OTUD7B: variants seen among roughly 807,000 people sequenced by gnomAD.
OTUD7B encodes OTU domain-containing protein 7B.
OTUD7B carries 34 observed loss-of-function variants against 82.2 expected under a neutral mutation model. The ratio of observed to expected loss-of-function variants is 0.41; its 90% CI spans 0.31 to 0.55. OTUD7B has a LOEUF of 0.55. Among genes scored for constraint, OTUD7B ranks in the 20% least tolerant of loss-of-function variants. OTUD7B has a pLI of 0.20. For missense variants in OTUD7B, 944 were observed against 1,062.1 expected, an observed-to-expected ratio of 0.89 and a Z score of 1.55; for synonymous variants, 398 against 402.7, an observed-to-expected ratio of 0.99 and a Z score of 0.14.
chr1:149,999,885 T>C (rs587651208), intron 1 of OTUD7B, among the ~76,000 whole-genome samples: 7 of 152,330 alleles, frequency 4.6e-5, no homozygotes, highest in African/African-American at 1.7e-4. Context: ...AAGGCACTAG[T>C]AGACTAACTC....
At chr1:150,022,258 C>G in the OTUD7B span, among the ~76,000 whole-genome samples, 1 of 151,798 alleles carries the variant, frequency 6.6e-6, no homozygotes, top group East Asian at 1.9e-4. Context: ...ATTAGCCAGG[C>G]GTGTTGGCGC....
intron 4 of OTUD7B, 99 bp from the exon 5 acceptor site, chr1:149,965,977 C>CTG: frequency 3.6e-6 from 3 of 835,834 alleles, no homozygotes; most frequent in Non-Finnish European, 5.9e-6. Context: ...CTCTAGGAGG[C>CTG]CTACCCAGAA....
At chr1:150,013,749 T>C (rs1653169889), upstream of OTUD7B, among the ~76,000 whole-genome samples, 1 of 150,690 alleles carries the variant, frequency 6.6e-6, no homozygotes, top group Non-Finnish European at 1.5e-5. Flanking sequence ...GGTGAAACCC[T>C]GTCTCTACTA....
intron 1 of OTUD7B, among the ~76,000 whole-genome samples, chr1:149,983,851 C>A (rs1478277599): frequency 6.6e-6 from 1 of 152,166 alleles, no homozygotes; most frequent in African/African-American, 2.4e-5. Flanking sequence ...TTAGAAAATT[C>A]TTGCAAAATA....
rs868925207 is a variant in OTUD7B, at chr1:149,949,943, T to C, written c.973+151A>G. On this transcript the variant is annotated intron_variant, in intron 8 of 11. Coordinates refer to ENST00000581312, the MANE Select transcript of OTUD7B (RefSeq NM_020205.4). Reference sequence around the variant, plus strand: ...CTAATCCCAACTGCTTTACTCAGAATCTCTTGAGAATTTTGCACTATTCTA... The same window carrying C: ...CTAATCCCAACTGCTTTACTCAGAACCTCTTGAGAATTTTGCACTATTCTA... 6.5e-5 allele frequency: 83 copies of C among 1,267,264 alleles called. 1 individual carries two copies. Among genetic ancestry groups the C allele is most frequent in the Non-Finnish European group, 7.7e-5 (71 of 923,560 alleles). 78.5% of individuals were successfully genotyped at this position (1,267,264 alleles called of 1,614,324 possible). A position where few individuals can be genotyped will look rare whatever the true frequency, so the allele number is the denominator to read the frequency against.
intron 1 of OTUD7B, among the ~76,000 whole-genome samples, chr1:149,996,013 TCCCTA>T (rs1439065034): frequency 6.6e-6 from 1 of 151,928 alleles, no homozygotes; most frequent in Non-Finnish European, 1.5e-5. Flanking sequence ...GACTCAAGAG[TCCCTA>T]CCTGCATACT....
At position 149,954,504 on chromosome 1, in the gene OTUD7B, TTC is replaced by T. The variant is rs1426633857; in HGVS notation, c.846-4285_846-4284del. ...GTTCATCAGGGATAGTGGTCTAAAATTCTCTTTTTTTGTTGTGTCTCTGCCAG... is the reference window on the plus strand; with the variant it reads ...GTTCATCAGGGATAGTGGTCTAAAATTCTTTTTTTGTTGTGTCTCTGCCAG... On this transcript the variant is annotated intron_variant, in intron 7 of 11. Transcript: ENST00000581312. 2.0e-5 allele frequency among the ~76,000 whole-genome samples: 3 copies of T among 152,178 alleles called. No individual in the cohort carries two copies. In the East Asian group the frequency reaches 5.8e-4, roughly 29 times the overall value.
chr1:150,054,606 A>G, the OTUD7B span: 1 of 376,880 alleles, frequency 2.7e-6, no homozygotes, highest in Non-Finnish European at 5.1e-6. Flanking sequence ...TCAGGAGTTC[A>G]AGACCAGCAC....
chr1:149,943,758 A>T lies in OTUD7B; in HGVS notation c.*99T>A. The stretch of plus-strand genomic sequence containing the variant: ...TTCCAGCCAGGCTCCCACAAACATT[A>T]CTGCATTTTCCCCCTCAACATGGGG... On this transcript the variant is annotated 3_prime_UTR_variant, in exon 12 of 12. Transcript: ENST00000581312. 2 of 1,242,266 alleles carry T rather than the reference A, an allele frequency of 1.6e-6. No homozygotes were observed. The highest frequency in any genetic ancestry group is 1.5e-5 in the African/African-American group (1 of 67,024). 77.0% of individuals were successfully genotyped at this position (1,242,266 alleles called of 1,614,324 possible). A position where few individuals can be genotyped will look rare whatever the true frequency, so the allele number is the denominator to read the frequency against.
chr1:150,040,589 A>G, the OTUD7B span, among the ~76,000 whole-genome samples: 1 of 152,190 alleles, frequency 6.6e-6, no homozygotes, highest in African/African-American at 2.4e-5. Context: ...ACAGAAATAT[A>G]TTGCAAATGT....
chr1:149,975,524 A>G (rs782480906), intron 2 of OTUD7B, among the ~76,000 whole-genome samples: 6 of 152,230 alleles, frequency 3.9e-5, no homozygotes, highest in Admixed American at 3.3e-4. Context: ...TTGAACACTC[A>G]TAAGTGTTCA....
the OTUD7B span, among the ~76,000 whole-genome samples, chr1:150,023,569 G>A: frequency 2.0e-5 from 3 of 152,276 alleles, no homozygotes; most frequent in Middle Eastern, 3.4e-3. Flanking sequence ...CTTATATGTG[G>A]AATCTAAAAA....
At position 149,967,457 on chromosome 1, in the gene OTUD7B, A is replaced by G. The variant is rs1553776861; in HGVS notation, c.339T>C (p.His113=). Residue 113 remains histidine (H), a synonymous_variant, in exon 4 of 12, where the codon CAT becomes CAC. Coordinates refer to ENST00000581312, the MANE Select transcript of OTUD7B (RefSeq NM_020205.4). ...SSSIVSLARS[H]VSSNGGGGGS... ...CCCCACCCCCACCATTGGAGGAGAC[A>G]TGGGACCGGGCCAGGGAAACAATGC... 1 of 1,614,046 alleles carries G rather than the reference A, an allele frequency of 6.2e-7. No homozygotes were observed. The highest frequency in any genetic ancestry group is 1.1e-5 in the South Asian group (1 of 91,072).
chr1:149,970,775 A>G (rs1171345825), intron 3 of OTUD7B, among the ~76,000 whole-genome samples: 4 of 152,226 alleles, frequency 2.6e-5, no homozygotes, highest in Non-Finnish European at 4.4e-5. Context: ...GACTCTTTCA[A>G]TTCTACCTTT....
At chr1:150,064,934 A>T in the OTUD7B span, among the ~76,000 whole-genome samples, 1 of 152,164 alleles carries the variant, frequency 6.6e-6, no homozygotes, top group Non-Finnish European at 1.5e-5. Context: ...TGGTGGGGGA[A>T]AATCATGATT....
the OTUD7B span, among the ~76,000 whole-genome samples, chr1:150,052,179 G>A: frequency 1.3e-5 from 2 of 152,074 alleles, no homozygotes; most frequent in African/African-American, 2.4e-5. Flanking sequence ...AGAGCAATAA[G>A]GCAAGAGAAA....
chr1:150,038,144 C>T, the OTUD7B span, among the ~76,000 whole-genome samples: 3 of 152,052 alleles, frequency 2.0e-5, no homozygotes, highest in African/African-American at 7.3e-5. Flanking sequence ...CAGGCGTGAA[C>T]CACTGGGCCC....
the OTUD7B span, among the ~76,000 whole-genome samples, chr1:150,030,159 C>A: frequency 2.6e-5 from 4 of 152,282 alleles, no homozygotes; most frequent in South Asian, 8.3e-4. Context: ...CCTTCAGTCA[C>A]GATTCTAAAC....
At chr1:150,047,175 G>A in the OTUD7B span, among the ~76,000 whole-genome samples, 1 of 152,122 alleles carries the variant, frequency 6.6e-6, no homozygotes, top group Non-Finnish European at 1.5e-5. Flanking sequence ...CTGCTTTGCT[G>A]TCTTATGAAC....
Sources: allele counts gnomAD v4.1 joint callset (sites outside exome capture counted in the v4.1 genomes callset), GRCh38; gene constraint gnomAD v4.1.1; transcripts MANE v1.5; gene names NCBI Gene and HGNC (gene_info 2026-07-23, HGNC 2026-07-21).